PTPRE: variants seen among roughly 807,000 people sequenced by gnomAD.
PTPRE encodes the protein receptor-type tyrosine-protein phosphatase epsilon.
PTPRE carries 51 observed loss-of-function variants against 102.0 expected under a neutral mutation model. The observed-to-expected ratio is 0.50, with a 90% CI of 0.40 to 0.63. The LOEUF is 0.63. Ranked by LOEUF, PTPRE falls within the 30% of genes least tolerant of loss-of-function variation. The pLI, the probability that PTPRE is intolerant of heterozygous loss-of-function variation, is 0.00. For missense variants in PTPRE, 752 were observed against 915.1 expected (o/e 0.82, Z 2.30); for synonymous variants, 345 against 348.2 (o/e 0.99, Z 0.10).
intron 1 of PTPRE, among the ~76,000 whole-genome samples, chr10:127,978,189 A>C (rs1050332826): frequency 2.0e-4 from 31 of 152,150 alleles, no homozygotes; most frequent in African/African-American, 7.5e-4. Flanking sequence ...TTACAGCTTC[A>C]CTGGGAGGAA....
intron 2 of PTPRE, among the ~76,000 whole-genome samples, chr10:128,014,177 C>A (rs939011337): frequency 2.0e-5 from 3 of 152,158 alleles, no homozygotes; most frequent in Non-Finnish European, 4.4e-5. Context: ...TTGGCAGGGA[C>A]CCCAGCTCCA....
chr10:127,954,369 GCAC>G (rs1424665802), intron 1 of PTPRE, among the ~76,000 whole-genome samples: 1 of 152,204 alleles, frequency 6.6e-6, no homozygotes, highest in Non-Finnish European at 1.5e-5. Context: ...TTACAATGCA[GCAC>G]CTTCATTGTG....
intron 1 of PTPRE, among the ~76,000 whole-genome samples, chr10:127,959,882 G>T (rs1849672654): frequency 6.6e-6 from 1 of 152,148 alleles, no homozygotes. Context: ...TGCTTGGCAG[G>T]GCACTGATGG....
chr10:128,083,783 A>G lies in PTPRE; in HGVS notation c.*877A>G, dbSNP rs1851902817. 1 of 152,296 alleles carries G rather than the reference A, an allele frequency of 6.6e-6. No individual in the cohort carries two copies. The allele number at this position is 152,296 out of a possible 1,614,324, so 9.4% of individuals were successfully genotyped here. ...GTCCAGTGCTATGCCTGGAGGCTCA[A>G]CACAAAACTTCCCATCCAAACATTC... On this transcript the variant is annotated 3_prime_UTR_variant, in exon 21 of 21. Coordinates refer to ENST00000254667, the MANE Select transcript of PTPRE (RefSeq NM_006504.6).
In PTPRE at chr10:127,926,897, T is replaced by C. The variant is rs570088198; in HGVS notation, c.-31+19588T>C. Reference sequence around the variant, plus strand: ...TGTGATCTCAGCTCACTGTAACCTCTGCCTCCCAGGTTCAAGCAATTCTCC... The same window carrying C: ...TGTGATCTCAGCTCACTGTAACCTCCGCCTCCCAGGTTCAAGCAATTCTCC... On this transcript the variant is annotated intron_variant, in intron 1 of 20. Coordinates refer to ENST00000254667, the MANE Select transcript of PTPRE (RefSeq NM_006504.6). Among the ~76,000 whole-genome samples, 5 of 145,118 alleles carry C rather than the reference T, an allele frequency of 3.4e-5. No homozygotes were observed. In the Admixed American group the frequency reaches 3.5e-4, roughly 10 times the overall value.
Position 127,969,684 on chromosome 10 carries a change from G to GC in PTPRE, c.-30-12590_-30-12589insC, listed in dbSNP as rs200693914. ...TCTGCCTAAAAAGAAAAAAAAAAAG[G>GC]GGGGCGGGGGGATGATGCAGACATG... On this transcript the variant is annotated intron_variant, in intron 1 of 20. Transcript: ENST00000254667. Among the ~76,000 whole-genome samples, 992 of 146,076 alleles carry GC rather than the reference G, an allele frequency of 6.8e-3. 23 individuals are homozygous for GC. The highest frequency in any genetic ancestry group is 0.029 in the South Asian group (121 of 4,242).
At chr10:127,963,588 T>C (rs910919357) in intron 1 of PTPRE, among the ~76,000 whole-genome samples, 2 of 152,132 alleles carry the variant, frequency 1.3e-5, no homozygotes, top group Admixed American at 1.3e-4. Flanking sequence ...ACATCGAAAG[T>C]GGGCAGGGAA....
chr10:128,059,977 G>T (rs377601559), intron 7 of PTPRE, among the ~76,000 whole-genome samples: 4 of 137,382 alleles, frequency 2.9e-5, no homozygotes, highest in African/African-American at 8.3e-5. Context: ...CACACCCACC[G>T]CACATAACGC....
intron 1 of PTPRE, among the ~76,000 whole-genome samples, chr10:127,977,051 T>C (rs1179135594): frequency 1.3e-5 from 2 of 152,216 alleles, no homozygotes; most frequent in Non-Finnish European, 2.9e-5. Context: ...ATCCTGCTCT[T>C]TGACCAGTCC....
chr10:127,997,413 T>C (rs1853381113), intron 2 of PTPRE, among the ~76,000 whole-genome samples: 1 of 152,180 alleles, frequency 6.6e-6, no homozygotes, highest in African/African-American at 2.4e-5. Context: ...TCCCCCAACC[T>C]GGACTCAGGG....
chr10:127,971,275 T>C (rs1409705005), intron 1 of PTPRE, among the ~76,000 whole-genome samples: 1 of 152,156 alleles, frequency 6.6e-6, no homozygotes, highest in Non-Finnish European at 1.5e-5. Flanking sequence ...CCAGTGGGCA[T>C]AGGGAGCCCA....
At chr10:128,047,694 CTG>C in intron 4 of PTPRE, 68 bp from the exon 5 acceptor site, 1 of 1,613,876 alleles carries the variant, frequency 6.2e-7, no homozygotes, top group Non-Finnish European at 8.5e-7. Context: ...GTGGGTATCA[CTG>C]TGCCGAGCGC....
chr10:128,047,662 G>A (rs770761095), intron 4 of PTPRE, 102 bp from the exon 5 acceptor site: 4 of 1,614,112 alleles, frequency 2.5e-6, no homozygotes, highest in South Asian at 2.2e-5. Flanking sequence ...AGCAACAGGA[G>A]TAGCTTTTCC....
At chr10:127,936,047 A>G (rs1847825014) in intron 1 of PTPRE, 8 of 152,246 alleles carry the variant, frequency 5.3e-5, no homozygotes, top group Admixed American at 3.9e-4. Context: ...ACGGCAAAGC[A>G]TTCTGCATAG....
In PTPRE at chr10:127,907,375, G is replaced by A; in HGVS notation, c.-31+66G>A. ...GAACTGTGCACCCCGGGAGGCCCAA[G>A]CAGGCCGGGGCGCTGCCTCGGCCGC... On this transcript the variant is annotated intron_variant, in intron 1 of 20. Coordinates refer to ENST00000254667, the MANE Select transcript of PTPRE (RefSeq NM_006504.6). This position sits in a 1 kb window ranked among gnomAD's most constrained non-coding sequence, Gnocchi z 4.8. 1 of 977,078 alleles carries A rather than the reference G, an allele frequency of 1.0e-6. No homozygotes were observed. Among genetic ancestry groups the A allele is most frequent in the Non-Finnish European group, 1.2e-6 (1 of 822,922 alleles). The allele number at this position is 977,078 out of a possible 1,614,324, so 60.5% of individuals were successfully genotyped here.
intron 1 of PTPRE, among the ~76,000 whole-genome samples, chr10:127,912,403 C>T (rs535217538): frequency 6.6e-6 from 1 of 152,004 alleles, no homozygotes; most frequent in African/African-American, 2.4e-5. Flanking sequence ...CTTTCAAATG[C>T]AATCAAGAAT....
chr10:128,015,376 T>G (rs1845330042), intron 2 of PTPRE, among the ~76,000 whole-genome samples: 1 of 152,122 alleles, frequency 6.6e-6, no homozygotes, highest in Non-Finnish European at 1.5e-5. Context: ...AGACCTCTTT[T>G]TTTTTTTTGA....
chr10:128,022,285 C>G (rs1333720447), intron 2 of PTPRE, among the ~76,000 whole-genome samples: 1 of 152,206 alleles, frequency 6.6e-6, no homozygotes, highest in Non-Finnish European at 1.5e-5. Context: ...CAGACAGGAC[C>G]TGAGACAATG....
In PTPRE at chr10:127,907,272, T is replaced by C. The variant is rs1845536332; in HGVS notation, c.-68T>C. Reference sequence around the variant, plus strand: ...CGCCCGGGAGATGCGGAGCCTCCGCTGCAGCGCGATCTGCGCGACCAGACC... The same window carrying C: ...CGCCCGGGAGATGCGGAGCCTCCGCCGCAGCGCGATCTGCGCGACCAGACC... On this transcript the variant is annotated 5_prime_UTR_variant, in exon 1 of 21. Coordinates refer to ENST00000254667, the MANE Select transcript of PTPRE (RefSeq NM_006504.6). This position sits in a 1 kb window ranked among gnomAD's most constrained non-coding sequence, Gnocchi z 4.8. The C allele has an allele frequency of 1.0e-6, 1 of 984,374 alleles. No homozygotes were observed. The highest frequency in any genetic ancestry group is 1.8e-5 in the African/African-American group (1 of 57,022). The allele number at this position is 984,374 out of a possible 1,614,324, so 61.0% of individuals were successfully genotyped here. A position where few individuals can be genotyped will look rare whatever the true frequency, so the allele number is the denominator to read the frequency against.
Sources: allele counts gnomAD v4.1 joint callset (sites outside exome capture counted in the v4.1 genomes callset), GRCh38; gene constraint gnomAD v4.1.1; non-coding constraint Gnocchi (gnomAD v3.1); transcripts MANE v1.5; gene names NCBI Gene and HGNC (gene_info 2026-07-23, HGNC 2026-07-21).